KCTD3: variants seen among roughly 807,000 people sequenced by gnomAD.
KCTD3 encodes the protein BTB/POZ domain-containing protein KCTD3.
KCTD3 carries 41 observed loss-of-function variants against 85.8 expected under a neutral mutation model. The observed-to-expected ratio is 0.48, with a 90% CI of 0.37 to 0.62. The LOEUF is 0.62. Ranked by LOEUF, KCTD3 falls within the 20% of genes least tolerant of loss-of-function variation. KCTD3 has a pLI of 0.00. For missense variants in KCTD3, 724 were observed against 989.9 expected, an observed-to-expected ratio of 0.73 and a Z score of 3.60; for synonymous variants, 338 against 345.4, an observed-to-expected ratio of 0.98 and a Z score of 0.24.
At chr1:215,586,824 G>C in intron 9 of KCTD3, 139 bp downstream of exon 9, 1 of 634,998 alleles carries the variant, frequency 1.6e-6, no homozygotes. Context: ...TGGGAGGAAT[G>C]ATCTGATAAT....
chr1:215,569,418 C>G (rs1027378216), intron 1 of KCTD3, among the ~76,000 whole-genome samples: 2 of 151,862 alleles, frequency 1.3e-5, no homozygotes, highest in African/African-American at 4.8e-5. Flanking sequence ...CGCGCCTGGC[C>G]GATAGTTAAT....
At chr1:215,587,354 C>A (rs150751052) in intron 9 of KCTD3, among the ~76,000 whole-genome samples, 60 of 152,248 alleles carry the variant, frequency 3.9e-4, no homozygotes, top group African/African-American at 1.4e-3. Context: ...TGGTCTCGAT[C>A]TCCTGATCTT....
In KCTD3 at chr1:215,620,491, C is replaced by A. The variant is rs768009034; in HGVS notation, c.2321C>A (p.Ala774Glu). Residue 774 changes from alanine to glutamate, a missense_variant, in exon 18 of 18, where the codon GCG (alanine) becomes GAG (glutamate). By Grantham distance (107) the Ala-to-Glu change is moderately radical. Coordinates refer to ENST00000259154, the MANE Select transcript of KCTD3 (RefSeq NM_016121.5). ...FLGRKKVPYL[A>E]SSPSTSDGGT... ...GGAAGAAAGAAAGTTCCCTATCTGG[C>A]GTCATCACCAAGTACTTCCGATGGA... 2 of 1,613,524 alleles carry A rather than the reference C, an allele frequency of 1.2e-6. No homozygotes were observed. The highest frequency in any genetic ancestry group is 4.5e-5 in the East Asian group (2 of 44,874).
At chr1:215,569,282 G>A (rs1249041680) in intron 1 of KCTD3, among the ~76,000 whole-genome samples, 1 of 151,664 alleles carries the variant, frequency 6.6e-6, no homozygotes, top group African/African-American at 2.4e-5. Context: ...CACCACGCCC[G>A]GGTAATTTTT....
chr1:215,578,975 A>G, intron 6 of KCTD3, 25 bp from the exon 7 acceptor site: 4 of 1,478,856 alleles, frequency 2.7e-6, no homozygotes, highest in Middle Eastern at 1.7e-4. Context: ...TTAGGAATGT[A>G]TTTGTTTTCT....
At chr1:215,586,466 T>G (rs370200562) in intron 8 of KCTD3, 29 bp from the exon 9 acceptor site, 82 of 1,574,856 alleles carry the variant, frequency 5.2e-5, no homozygotes, top group Admixed American at 6.9e-5. Context: ...CTGCTGAGTC[T>G]ACCTTATGTG....
chr1:215,570,222 G>A (rs1245431780), intron 1 of KCTD3, among the ~76,000 whole-genome samples: 1 of 151,316 alleles, frequency 6.6e-6, no homozygotes, highest in Non-Finnish European at 1.5e-5. Context: ...ATATGCTATC[G>A]GTAAGGTCTT....
intron 3 of KCTD3, among the ~76,000 whole-genome samples, chr1:215,574,605 A>C (rs947927878): frequency 6.6e-6 from 1 of 152,196 alleles, no homozygotes; most frequent in Non-Finnish European, 1.5e-5. Flanking sequence ...GGAGGCAACA[A>C]AGTGACCAAT....
chr1:215,579,692 G>A (rs1248870908), intron 7 of KCTD3, among the ~76,000 whole-genome samples: 3 of 150,858 alleles, frequency 2.0e-5, no homozygotes, highest in Non-Finnish European at 4.4e-5. Context: ...TAGAGATGAG[G>A]TTTCACCGTG....
chr1:215,605,324 G>T (rs1654972796), intron 13 of KCTD3, among the ~76,000 whole-genome samples: 2 of 152,118 alleles, frequency 1.3e-5, no homozygotes, highest in African/African-American at 2.4e-5. Context: ...TATTGAATGT[G>T]TAATTGTTTG....
chr1:215,620,207 T>C lies in KCTD3; in HGVS notation c.2037T>C (p.Asn679=). 1 of 1,613,738 alleles carries C rather than the reference T, an allele frequency of 6.2e-7. No individual in the cohort carries two copies. Among genetic ancestry groups the C allele is most frequent in the African/African-American group, 1.3e-5 (1 of 74,952 alleles). ...RDFQTINLNR[N]VERAVPENGN... ...TCCAGACTATTAATTTGAACAGAAATGTAGAAAGAGCTGTCCCTGAAAATG... is the reference window on the plus strand; with the variant it reads ...TCCAGACTATTAATTTGAACAGAAACGTAGAAAGAGCTGTCCCTGAAAATG... Residue 679 remains asparagine, a synonymous_variant, in exon 18 of 18, where the codon AAT becomes AAC. Transcript: ENST00000259154.
chr1:215,615,897 CAGAAAT>C (rs1488551357), intron 15 of KCTD3, among the ~76,000 whole-genome samples: 6 of 152,160 alleles, frequency 3.9e-5, no homozygotes, highest in Admixed American at 3.3e-4. Context: ...TGTAAGTTAA[CAGAAAT>C]AGACTGAGTA....
intron 10 of KCTD3, among the ~76,000 whole-genome samples, chr1:215,600,535 C>T (rs1002212222): frequency 6.6e-6 from 1 of 152,182 alleles, no homozygotes; most frequent in African/African-American, 2.4e-5. Context: ...GTGCCTGTCA[C>T]ACTATAATTG....
chr1:215,593,666 C>T (rs1002591580), intron 9 of KCTD3, among the ~76,000 whole-genome samples: 83 of 152,046 alleles, frequency 5.5e-4, no homozygotes, highest in African/African-American at 1.8e-3. Flanking sequence ...TAAATGCTGA[C>T]GAAGTTGTCT....
intron 6 of KCTD3, 152 bp downstream of exon 6, chr1:215,578,233 A>C: frequency 1.4e-6 from 1 of 696,922 alleles, no homozygotes; most frequent in Non-Finnish European, 2.3e-6. Flanking sequence ...ATAGAAATTA[A>C]GTCACATTAT....
In KCTD3 at chr1:215,612,605, A is replaced by G. The variant is rs550652611; in HGVS notation, c.1562+684A>G. ...AATGATTTCTATTCAAACTTAAAGA[A>G]CATAGTGAATTTGCTGGCAGACGGC... On this transcript the variant is annotated intron_variant, in intron 15 of 17. Transcript: ENST00000259154. Among the ~76,000 whole-genome samples, 4 of 152,320 alleles carry G rather than the reference A, an allele frequency of 2.6e-5. No individual in the cohort carries two copies. The South Asian group carries it at 8.3e-4, about 32-fold the overall frequency.
At position 215,604,874 on chromosome 1, in the gene KCTD3, G is replaced by C. The variant is rs149448721; in HGVS notation, c.1309+572G>C. 3.8e-3 allele frequency among the ~76,000 whole-genome samples: 579 copies of C among 151,728 alleles called. 10 individuals carry two copies. The highest frequency in any genetic ancestry group is 0.026 in the Admixed American group (398 of 15,260). ...AAAATTACAATTGTAGAGATTATTTGAAGAAAATAAGCTTTTCTTGGGTTT... is the reference window on the plus strand; with the variant it reads ...AAAATTACAATTGTAGAGATTATTTCAAGAAAATAAGCTTTTCTTGGGTTT... On this transcript the variant is annotated intron_variant, in intron 13 of 17. Transcript: ENST00000259154.
In KCTD3 at chr1:215,577,998, T is replaced by C. The variant is rs1297707563; in HGVS notation, c.317-3T>C. 1 of 1,609,160 alleles carries C rather than the reference T, an allele frequency of 6.2e-7. No individual in the cohort carries two copies. The highest frequency in any genetic ancestry group is 8.5e-7 in the Non-Finnish European group (1 of 1,177,118). On this transcript the variant is annotated splice_polypyrimidine_tract_variant and splice_region_variant and intron_variant, in intron 5 of 17. Transcript: ENST00000259154. ...TGACAAGTTTGCTTTGAAATGTTTT[T>C]AGTAAGAAGGCTTCTCTTATGTGAA...
Position 215,567,456 on chromosome 1 carries a change from T to C in KCTD3, c.-230T>C. ...CCGGCGGCCTGGAGGCCGCGAAAGGTGGAGGCCGGGCCGCCCTTGTGCACC... is the reference window on the plus strand; with the variant it reads ...CCGGCGGCCTGGAGGCCGCGAAAGGCGGAGGCCGGGCCGCCCTTGTGCACC... On this transcript the variant is annotated 5_prime_UTR_variant, in exon 1 of 18. Transcript: ENST00000259154. The C allele has an allele frequency of 4.3e-6, 1 of 232,514 alleles. No individual in the cohort carries two copies. The highest frequency in any genetic ancestry group is 8.1e-6 in the Non-Finnish European group (1 of 122,922). The allele number at this position is 232,514 out of a possible 1,614,324, so 14.4% of individuals were successfully genotyped here. A position where few individuals can be genotyped will look rare whatever the true frequency, so the allele number is the denominator to read the frequency against.
Sources: allele counts gnomAD v4.1 joint callset (sites outside exome capture counted in the v4.1 genomes callset), GRCh38; gene constraint gnomAD v4.1.1; transcripts MANE v1.5; gene names NCBI Gene and HGNC (gene_info 2026-07-23, HGNC 2026-07-21).